Variants in DNAH14 observed in about 807,000 individuals in gnomAD.
DNAH14 encodes the protein axonemal beta dynein heavy chain 14.
In DNAH14, 478 loss-of-function variants were observed where a neutral mutation model predicts 520.9. The observed-to-expected ratio is 0.92, with a 90% CI of 0.85 to 0.99. DNAH14 has a LOEUF of 0.99. Among genes scored for constraint, DNAH14 ranks in the 50% least tolerant of loss-of-function variants. The pLI, the probability that DNAH14 is intolerant of heterozygous loss-of-function variation, is 0.00. For missense variants in DNAH14, 4,831 were observed against 5,234.5 expected, an observed-to-expected ratio of 0.92 and a Z score of 2.38; for synonymous variants, 1,581 against 1,757.2, an observed-to-expected ratio of 0.90 and a Z score of 2.51.
intron 23 of DNAH14, among the ~76,000 whole-genome samples, chr1:225,115,669 T>A (rs1280046354): frequency 3.9e-5 from 6 of 152,212 alleles, no homozygotes; most frequent in Admixed American, 6.5e-5. Context: ...CCAGATTGAT[T>A]CTGGTTAATA....
chr1:225,093,108 A>G (rs1221507424), intron 21 of DNAH14, among the ~76,000 whole-genome samples: 1 of 152,184 alleles, frequency 6.6e-6, no homozygotes, highest in East Asian at 1.9e-4. Flanking sequence ...AAATGATTCC[A>G]AAAAGTTCAG....
chr1:225,340,369 G>A (rs1267254433), intron 68 of DNAH14, 88 bp from the exon 69 acceptor site: 2 of 1,365,710 alleles, frequency 1.5e-6, no homozygotes, highest in African/African-American at 1.5e-5. Flanking sequence ...GTACTTCCAG[G>A]AAAAATGCTT....
At chr1:225,203,944 A>T (rs1246630979) in intron 38 of DNAH14, among the ~76,000 whole-genome samples, 1 of 152,222 alleles carries the variant, frequency 6.6e-6, no homozygotes, top group Non-Finnish European at 1.5e-5. Flanking sequence ...TACAATAAGC[A>T]TGTACTGTCT....
chr1:225,102,661 A>G (rs554486769), intron 23 of DNAH14, among the ~76,000 whole-genome samples: 1 of 151,642 alleles, frequency 6.6e-6, no homozygotes, highest in African/African-American at 2.4e-5. Context: ...GCATTTTTTC[A>G]TGTGTATTTG....
intron 11 of DNAH14, among the ~76,000 whole-genome samples, chr1:225,031,537 T>G (rs184071247): frequency 6.6e-6 from 1 of 151,942 alleles, no homozygotes; most frequent in African/African-American, 2.4e-5. Flanking sequence ...GAGTAACCAC[T>G]AAAAGATAGT....
chr1:225,078,073 A>T (rs2072513998), intron 17 of DNAH14, among the ~76,000 whole-genome samples: 1 of 152,226 alleles, frequency 6.6e-6, no homozygotes, highest in Non-Finnish European at 1.5e-5. Flanking sequence ...TTTTAGTTCC[A>T]GCACAGAAAT....
intron 1 of DNAH14, among the ~76,000 whole-genome samples, chr1:224,930,056 C>A (rs937156544): frequency 6.6e-6 from 1 of 152,190 alleles, no homozygotes; most frequent in Admixed American, 6.5e-5. Flanking sequence ...GCCGGTAGCC[C>A]CGACCGCAGG....
chr1:225,105,956 T>C (rs2076008690), intron 23 of DNAH14, among the ~76,000 whole-genome samples: 1 of 137,612 alleles, frequency 7.3e-6, no homozygotes, highest in Non-Finnish European at 1.5e-5. Context: ...TTTTGCTCTT[T>C]AGTTGATGCA....
intron 43 of DNAH14, among the ~76,000 whole-genome samples, chr1:225,244,105 A>G (rs1424008699): frequency 6.6e-6 from 1 of 152,062 alleles, no homozygotes; most frequent in Non-Finnish European, 1.5e-5. Flanking sequence ...TGAGATAATC[A>G]TATGTTTTTT....
rs1292379395 is a variant in DNAH14, at chr1:225,337,416, C to A, written c.10231C>A (p.Gln3411Lys). Residue 3411 changes from glutamine (Q) to lysine (K), a missense_variant, in exon 67 of 86, where the codon CAG becomes AAG. Physicochemically the swap from Gln to Lys is moderately conservative, Grantham distance 53 (BLOSUM62 1). Coordinates refer to ENST00000682510, the MANE Select transcript of DNAH14 (RefSeq NM_001367479.1). ...CCGTCAGATGGAAGGATCCAGGCTG[C>A]AGAAGCTCTCCATTGAAGACAGCAA... ...WIRQMEGSRLQKLSIEDSNYT... is the reference protein window; with the variant it reads ...WIRQMEGSRLKKLSIEDSNYT... 2 of 1,551,674 alleles carry A rather than the reference C, an allele frequency of 1.3e-6. No individual in the cohort carries two copies. The highest frequency in any genetic ancestry group is 1.7e-6 in the Non-Finnish European group (2 of 1,146,966).
chr1:224,999,506 T>C (rs989854427), intron 8 of DNAH14, among the ~76,000 whole-genome samples: 7 of 152,142 alleles, frequency 4.6e-5, no homozygotes, highest in African/African-American at 1.4e-4. Flanking sequence ...TTGCCTAGCA[T>C]ATGCCATATT....
rs1309257534 is a variant in DNAH14 at position 225,290,691 on chromosome 1, AT to A, written c.8469+610del. On this transcript the variant is annotated intron_variant, in intron 55 of 85. Coordinates refer to ENST00000682510, the MANE Select transcript of DNAH14 (RefSeq NM_001367479.1). ...TATATATATATATATATATATATAT[AT>A]ATTTCCTCCAAGTCTGTGGCTTGTC... Among the ~76,000 whole-genome samples the A allele has an allele frequency of 6.4e-5, 7 of 109,536 alleles. No individual in the cohort carries two copies. The East Asian group carries it at 1.4e-3, about 22-fold the overall frequency. The allele number at this position is 109,536 out of a possible 152,430, so 71.9% of individuals were successfully genotyped here. A position where few individuals can be genotyped will look rare whatever the true frequency, so the allele number is the denominator to read the frequency against.
Position 225,082,659 on chromosome 1 carries a change from T to C in DNAH14, c.3247T>C (p.Trp1083Arg). 6.4e-7 allele frequency: 1 copy of C among 1,551,578 alleles called. No homozygotes were observed. Among genetic ancestry groups the C allele is most frequent in the East Asian group, 2.4e-5 (1 of 40,880 alleles). ...AAATCCCTGTCTCAAGCCAAGGCAT[T>C]GGGAGGCTCTCCAGGAGATTATTGG... Reference protein sequence around the residue: ...LGNPCLKPRHWEALQEIIGKS... With the variant: ...LGNPCLKPRHREALQEIIGKS... Residue 1083 changes from tryptophan (W) to arginine (R), a missense_variant, in exon 20 of 86, where the codon TGG (tryptophan) becomes CGG (arginine). Coordinates refer to ENST00000682510, the MANE Select transcript of DNAH14 (RefSeq NM_001367479.1).
chr1:225,023,716 AT>A lies in DNAH14; in HGVS notation c.1214del (p.Phe405SerfsTer4). 3 of 1,550,832 alleles carry A rather than the reference AT, an allele frequency of 1.9e-6. No individual in the cohort carries two copies. Among genetic ancestry groups the A allele is most frequent in the Non-Finnish European group, 2.6e-6 (3 of 1,146,514 alleles). On this transcript the variant is annotated frameshift_variant, in exon 11 of 86. Coordinates refer to ENST00000682510, the MANE Select transcript of DNAH14 (RefSeq NM_001367479.1). LOFTEE classifies it high-confidence loss of function. Reference sequence around the variant, plus strand: ...CTAAATATAGACGTTTATTAGAAACATTTTTCAAGTTTGTAATGCTGGTTGA... The same window carrying A: ...CTAAATATAGACGTTTATTAGAAACATTTTCAAGTTTGTAATGCTGGTTGA... ...LPKYRRLLET[F>X]FKFVMLVDYI...
chr1:225,011,605 G>C, intron 10 of DNAH14, among the ~76,000 whole-genome samples: 1 of 152,070 alleles, frequency 6.6e-6, no homozygotes, highest in Non-Finnish European at 1.5e-5. Context: ...TTATGAATCT[G>C]GGTGCTCCTG....
At chr1:225,108,622 G>C (rs963255033) in intron 23 of DNAH14, among the ~76,000 whole-genome samples, 2 of 152,028 alleles carry the variant, frequency 1.3e-5, no homozygotes, top group African/African-American at 4.8e-5. Context: ...TTAATCCCTT[G>C]TCAGATGGAT....
chr1:224,976,148 A>T (rs548085041), intron 8 of DNAH14, among the ~76,000 whole-genome samples: 4 of 151,972 alleles, frequency 2.6e-5, no homozygotes, highest in Non-Finnish European at 5.9e-5. Flanking sequence ...ACTTCCAACT[A>T]TGTGGTCAAT....
chr1:225,118,208 T>G, intron 25 of DNAH14: 1 of 592,408 alleles, frequency 1.7e-6, no homozygotes, highest in South Asian at 2.1e-5. Context: ...AAAGCAGTCT[T>G]CAAACTCCTG....
chr1:225,033,766 CTT>C (rs934982954), intron 11 of DNAH14, among the ~76,000 whole-genome samples: 1 of 151,924 alleles, frequency 6.6e-6, no homozygotes, highest in African/African-American at 2.4e-5. Flanking sequence ...TTGTAATTCT[CTT>C]TGTAGAGATC....
Sources: gnomAD v4.1 joint callset for allele counts (sites outside exome capture counted in the v4.1 genomes callset) on GRCh38, gnomAD v4.1.1 for gene constraint, MANE v1.5 for transcripts, NCBI Gene and HGNC (gene_info 2026-07-23, HGNC 2026-07-21) for gene names.